The following FGF6 variants were observed in gnomAD, a reference collection of about 807,000 sequenced individuals.
FGF6 encodes the protein FGF-6.
A neutral mutation model predicts 18.4 loss-of-function variants in FGF6; 14 were observed. The observed-to-expected ratio is 0.76, with a 90% CI of 0.50 to 1.19. The LOEUF (loss-of-function observed/expected upper bound fraction) is 1.19. Ranked by LOEUF, FGF6 falls within the 50% of genes most tolerant of loss-of-function variation. The pLI, the probability that FGF6 is intolerant of heterozygous loss-of-function variation, is 0.00. For missense variants in FGF6, 266 were observed against 271.6 expected (o/e 0.98, Z 0.15); for synonymous variants, 125 against 116.7 (o/e 1.07, Z -0.46).
At chr12:4,442,886 C>T (rs11610220) in intron 2 of FGF6, among the ~76,000 whole-genome samples, 159 of 152,266 alleles carry the variant, frequency 1.0e-3, no homozygotes, top group Admixed American at 2.4e-3. Flanking sequence ...CCAAGCCTGC[C>T]TGTTCCTCAG....
At chr12:4,434,465 G>T in intron 2 of FGF6, 74 bp from the exon 3 acceptor site, 1 of 1,445,426 alleles carries the variant, frequency 6.9e-7, no homozygotes, top group Non-Finnish European at 9.7e-7. Flanking sequence ...CTGGGCCGCA[G>T]AGAGTAGGCC....
Position 4,445,402 on chromosome 12 carries a change from G to A in FGF6, c.169C>T (p.Leu57=). The change falls in exon 1 of 3, where the codon CTG becomes TTG. Residue 57 remains leucine, a synonymous_variant. Transcript: ENST00000228837. This position sits in a 1 kb window ranked among gnomAD's most constrained non-coding sequence, Gnocchi z 5.5. ...TLLDSRGWGT[L]LSRSRAGLAG... is the part of the protein sequence containing the mutation. Reference sequence around the variant, plus strand: ...AGCCCGGCGCGAGACCTGGACAGCAGGGTGCCCCAGCCCCTCGAGTCCAGC... The same window carrying A: ...AGCCCGGCGCGAGACCTGGACAGCAAGGTGCCCCAGCCCCTCGAGTCCAGC... The A allele has an allele frequency of 6.2e-7, 1 of 1,613,646 alleles. No homozygotes were observed. The highest frequency in any genetic ancestry group is 1.1e-5 in the South Asian group (1 of 91,078).
At chr12:4,436,994 G>A (rs369204393) in intron 2 of FGF6, among the ~76,000 whole-genome samples, 36 of 152,304 alleles carry the variant, frequency 2.4e-4, no homozygotes, top group East Asian at 9.6e-4. Context: ...AATCAATGTA[G>A]GTCAAGAACA....
At chr12:4,440,949 A>G (rs901068154) in intron 2 of FGF6, among the ~76,000 whole-genome samples, 1 of 152,150 alleles carries the variant, frequency 6.6e-6, no homozygotes, top group African/African-American at 2.4e-5. Flanking sequence ...GCCCCAATGT[A>G]ATGCCCCAGA....
chr12:4,442,888 G>A (rs1163836123), intron 2 of FGF6, among the ~76,000 whole-genome samples: 1 of 152,204 alleles, frequency 6.6e-6, no homozygotes, highest in Non-Finnish European at 1.5e-5. Context: ...AAGCCTGCCT[G>A]TTCCTCAGAA....
chr12:4,445,384 C>G lies in FGF6; in HGVS notation c.187G>C (p.Ala63Pro). The G allele has an allele frequency of 6.2e-7, 1 of 1,613,798 alleles. No homozygotes were observed. Among genetic ancestry groups the G allele is most frequent in the Non-Finnish European group, 8.5e-7 (1 of 1,180,024 alleles). The change falls in exon 1 of 3, where the codon GCC becomes CCC. Residue 63 changes from alanine (A) to proline (P), a missense_variant. Transcript: ENST00000228837. This position sits in a 1 kb window ranked among gnomAD's most constrained non-coding sequence, Gnocchi z 5.5. ...CCGGCAATCTCTCCAGCTAGCCCGG[C>G]GCGAGACCTGGACAGCAGGGTGCCC... Reference protein sequence around the residue: ...GWGTLLSRSRAGLAGEIAGVN... With the variant: ...GWGTLLSRSRPGLAGEIAGVN...
intron 2 of FGF6, among the ~76,000 whole-genome samples, chr12:4,438,739 G>C (rs372617882): frequency 1.8e-5 from 2 of 108,704 alleles, no homozygotes; most frequent in African/African-American, 7.2e-5. Flanking sequence ...GTGACAGAGC[G>C]AGACTCTATC....
At chr12:4,439,659 C>CTTT (rs548109801) in intron 2 of FGF6, among the ~76,000 whole-genome samples, 8 of 146,806 alleles carry the variant, frequency 5.4e-5, no homozygotes, top group African/African-American at 2.0e-4. Flanking sequence ...AACATACACA[C>CTTT]TTTTTTTTTT....
intron 2 of FGF6, among the ~76,000 whole-genome samples, chr12:4,440,809 A>G (rs1865681822): frequency 6.6e-6 from 1 of 152,042 alleles, no homozygotes; most frequent in Non-Finnish European, 1.5e-5. Context: ...CCTTCATCCC[A>G]TTCCCTCAGG....
chr12:4,439,152 C>A (rs367606992), intron 2 of FGF6, among the ~76,000 whole-genome samples: 1 of 151,968 alleles, frequency 6.6e-6, no homozygotes, highest in South Asian at 2.1e-4. Context: ...TAGTCAAGTA[C>A]GTAAATTATT....
At position 4,434,276 on chromosome 12, in the gene FGF6, A is replaced by G. The variant is rs757215677; in HGVS notation, c.566T>C (p.Val189Ala). 22 of 1,613,936 alleles carry G rather than the reference A, an allele frequency of 1.4e-5. No individual in the cohort carries two copies. The highest frequency in any genetic ancestry group is 2.7e-5 in the African/African-American group (2 of 74,876). The change falls in exon 3 of 3, where the codon GTA becomes GCA. Residue 189 changes from valine (V) to alanine (A), a missense_variant. By Grantham distance (64) the Val-to-Ala change is moderately conservative. Transcript: ENST00000228837. ...TYIALSKYGR[V>A]KRGSKVSPIM... ...CGGGGACACCTTGCTGCCCCGCTTT[A>G]CCCGTCCGTATTTGCTCAGGGCAAT...
intron 2 of FGF6, among the ~76,000 whole-genome samples, chr12:4,435,715 C>A (rs1865620103): frequency 6.6e-6 from 1 of 152,304 alleles, no homozygotes; most frequent in East Asian, 1.9e-4. Flanking sequence ...CTGTTCAGAA[C>A]ATGAACGCTG....
intron 2 of FGF6, 24 bp from the exon 3 acceptor site, chr12:4,434,415 CAG>C (rs1209166262): frequency 6.2e-7 from 1 of 1,613,568 alleles, no homozygotes; most frequent in Admixed American, 1.7e-5. Flanking sequence ...GGGCAAACAG[CAG>C]AGACTGGGTT....
At chr12:4,439,702 T>G (rs1340094058) in intron 2 of FGF6, among the ~76,000 whole-genome samples, 1 of 152,158 alleles carries the variant, frequency 6.6e-6, no homozygotes, top group Non-Finnish European at 1.5e-5. Flanking sequence ...GTTTACTACT[T>G]TTTTTTCTTT....
intron 2 of FGF6, among the ~76,000 whole-genome samples, chr12:4,436,994 G>T (rs369204393): frequency 6.6e-6 from 1 of 152,186 alleles, no homozygotes; most frequent in Non-Finnish European, 1.5e-5. Context: ...AATCAATGTA[G>T]GTCAAGAACA....
intron 2 of FGF6, among the ~76,000 whole-genome samples, chr12:4,438,750 T>C (rs1591691019): frequency 1.7e-4 from 1 of 5,856 alleles, no homozygotes; most frequent in Non-Finnish European, 3.4e-4. Flanking sequence ...AGACTCTATC[T>C]CAAAAAAAAA....
Position 4,445,598 on chromosome 12 carries a change from G to A in FGF6, c.-28C>T. The A allele has an allele frequency of 6.6e-7, 1 of 1,517,230 alleles. No individual in the cohort carries two copies. 94.0% of individuals were successfully genotyped at this position (1,517,230 alleles called of 1,614,324 possible). A position where few individuals can be genotyped will look rare whatever the true frequency, so the allele number is the denominator to read the frequency against. ...ACCTTGCCTCTCAGGCACGTGGTCA[G>A]AATTAATGGCCCTAAAAATACCGCC... On this transcript the variant is annotated 5_prime_UTR_variant, in exon 1 of 3. Transcript: ENST00000228837. The surrounding 1 kb of genome is among the most constrained non-coding windows in gnomAD (Gnocchi z 5.5).
At position 4,445,081 on chromosome 12, in the gene FGF6, G is replaced by A. The variant is rs929955046; in HGVS notation, c.346+144C>T. On this transcript the variant is annotated intron_variant, in intron 1 of 2. Coordinates refer to ENST00000228837, the MANE Select transcript of FGF6 (RefSeq NM_020996.3). The surrounding 1 kb of genome is among the most constrained non-coding windows in gnomAD (Gnocchi z 5.5). ...TATATTGAGCTTGCACCCAGGCAGG[G>A]TCACGTGGAATCATCTAAGTGGTGA... 2.4e-5 allele frequency: 17 copies of A among 721,894 alleles called. No homozygotes were observed. The African/African-American group carries it at 2.8e-4, about 12-fold the overall frequency. The allele number at this position is 721,894 out of a possible 1,614,324, so 44.7% of individuals were successfully genotyped here.
At chr12:4,438,664 G>C (rs577448948) in intron 2 of FGF6, among the ~76,000 whole-genome samples, 1 of 147,744 alleles carries the variant, frequency 6.8e-6, no homozygotes, top group Non-Finnish European at 1.5e-5. Flanking sequence ...GGGAGGCTAA[G>C]GCAGGGGAAT....
Sources: allele counts gnomAD v4.1 joint callset (sites outside exome capture counted in the v4.1 genomes callset), GRCh38; gene constraint gnomAD v4.1.1; non-coding constraint Gnocchi (gnomAD v3.1); transcripts MANE v1.5; gene names NCBI Gene and HGNC (gene_info 2026-07-23, HGNC 2026-07-21).